ERBB4: variants seen among roughly 807,000 people sequenced by gnomAD.
ERBB4 encodes erb-b2 receptor tyrosine kinase 4.
Under a neutral mutation model 158.0 loss-of-function variants are expected in ERBB4, and 42 were observed. The observed-to-expected ratio is 0.27, with a 90% CI of 0.21 to 0.34. ERBB4 has a LOEUF of 0.34. Ranked by LOEUF, ERBB4 falls within the 10% of genes least tolerant of loss-of-function variation. ERBB4 has a pLI of 1.00. For synonymous variants in ERBB4, 583 were observed against 558.7 expected, an observed-to-expected ratio of 1.04 and a Z score of -0.61; for missense variants, 1,333 against 1,624.1, an observed-to-expected ratio of 0.82 and a Z score of 3.08.
chr2:212,006,266 A>G (rs1292286442), intron 2 of ERBB4, among the ~76,000 whole-genome samples: 1 of 152,128 alleles, frequency 6.6e-6, no homozygotes, highest in Non-Finnish European at 1.5e-5. Context: ...ATATAAATAA[A>G]CTTTCAGTGT....
chr2:211,996,116 G>A (rs4673646), intron 2 of ERBB4, among the ~76,000 whole-genome samples: 19,404 of 151,978 alleles, frequency 0.13, 1,810 homozygotes, highest in East Asian at 0.31. Flanking sequence ...GACTGTTAAG[G>A]TTTAGGTAGA....
chr2:212,468,589 T>C (rs1688960752), intron 1 of ERBB4, among the ~76,000 whole-genome samples: 1 of 152,218 alleles, frequency 6.6e-6, no homozygotes, highest in Admixed American at 6.5e-5. Context: ...ATAAACTTCT[T>C]TATTTTGTAA....
intron 1 of ERBB4, among the ~76,000 whole-genome samples, chr2:212,497,871 T>C (rs1165544319): frequency 6.6e-6 from 1 of 152,206 alleles, no homozygotes; most frequent in Non-Finnish European, 1.5e-5. Context: ...TTGAATAAGT[T>C]GTGGACATTT....
chr2:212,477,688 C>T (rs929426395), intron 1 of ERBB4, among the ~76,000 whole-genome samples: 3 of 152,064 alleles, frequency 2.0e-5, no homozygotes, highest in Non-Finnish European at 4.4e-5. Context: ...CAATTAAATG[C>T]TGTGTCTTTT....
chr2:212,500,037 A>C (rs1273278944), intron 1 of ERBB4, among the ~76,000 whole-genome samples: 1 of 152,124 alleles, frequency 6.6e-6, no homozygotes, highest in Non-Finnish European at 1.5e-5. Flanking sequence ...TTGCTAACAT[A>C]TAATCCCTTT....
intron 20 of ERBB4, among the ~76,000 whole-genome samples, chr2:211,516,116 C>T (rs1227054663): frequency 6.7e-6 from 1 of 150,140 alleles, no homozygotes; most frequent in Non-Finnish European, 1.5e-5. Context: ...CGGGGTTTCA[C>T]TGTGTCAGCC....
At chr2:212,357,126 A>T (rs2089491539) in intron 1 of ERBB4, among the ~76,000 whole-genome samples, 1 of 151,962 alleles carries the variant, frequency 6.6e-6, no homozygotes, top group South Asian at 2.1e-4. Context: ...CCTGGATATC[A>T]TATGTCTCTC....
chr2:211,763,897 T>TACACACACACACACACACACAC (rs58206154), intron 4 of ERBB4, among the ~76,000 whole-genome samples: 162 of 150,078 alleles, frequency 1.1e-3, no homozygotes, highest in Admixed American at 5.5e-3. Flanking sequence ...TGCGTGTGTA[T>TACACACACACACACACACACAC]ACACACACAC....
rs140862982 is a variant in ERBB4 at position 212,375,471 on chromosome 2, C to T, written c.82+162978G>A. 6.1e-4 allele frequency among the ~76,000 whole-genome samples: 93 copies of T among 152,144 alleles called. No homozygotes were observed. The East Asian group carries it at 0.015, about 24-fold the overall frequency. On this transcript the variant is annotated intron_variant, in intron 1 of 27. Coordinates refer to ENST00000342788, the MANE Select transcript of ERBB4 (RefSeq NM_005235.3). ...CCATTAATACAACTTTTCTCACTAA[C>T]GCCACTTATGTGTGTGGTTCGTGTT...
chr2:211,985,501 A>G (rs2081916083), intron 2 of ERBB4, among the ~76,000 whole-genome samples: 1 of 152,142 alleles, frequency 6.6e-6, no homozygotes, highest in Non-Finnish European at 1.5e-5. Context: ...CAAATTGACC[A>G]TCAGTAAAAG....
intron 1 of ERBB4, among the ~76,000 whole-genome samples, chr2:212,266,109 C>G (rs576428602): frequency 1.3e-5 from 2 of 151,788 alleles, no homozygotes; most frequent in South Asian, 4.2e-4. Flanking sequence ...TGCATGCCCC[C>G]CTCTCCTATT....
chr2:211,712,091 C>T lies in ERBB4; in HGVS notation c.1083G>A (p.Lys361=). 1 of 1,612,412 alleles carries T rather than the reference C, an allele frequency of 6.2e-7. No homozygotes were observed. The change falls in exon 9 of 28, where the codon AAG becomes AAA. Residue 361 remains lysine, a synonymous_variant. Transcript: ENST00000342788. Reference sequence around the variant, plus strand: ...CTAGAAAGATCAAATTCCCATTGATCTTGGTACAGTTTATGAATTTGTCAA... The same window carrying T: ...CTAGAAAGATCAAATTCCCATTGATTTTGGTACAGTTTATGAATTTGTCAA... ...SNIDKFINCT[K]INGNLIFLVT... is the part of the protein sequence containing the mutation.
chr2:212,269,239 G>A, intron 1 of ERBB4, among the ~76,000 whole-genome samples: 1 of 151,820 alleles, frequency 6.6e-6, no homozygotes, highest in Middle Eastern at 3.2e-3. Context: ...GAGTTACACT[G>A]ACTACACGTC....
intron 2 of ERBB4, among the ~76,000 whole-genome samples, chr2:212,016,141 T>C (rs909125592): frequency 4.9e-5 from 7 of 141,724 alleles, no homozygotes; most frequent in African/African-American, 1.9e-4. Context: ...TGACTAGACA[T>C]ATATATATAT....
At chr2:211,538,357 T>C (rs902840439) in intron 20 of ERBB4, among the ~76,000 whole-genome samples, 2 of 151,828 alleles carry the variant, frequency 1.3e-5, no homozygotes, top group African/African-American at 2.4e-5. Flanking sequence ...ATACAATAGA[T>C]AGAAAAATTT....
chr2:211,502,069 A>ATT (rs1189277483), intron 20 of ERBB4, among the ~76,000 whole-genome samples: 1 of 152,172 alleles, frequency 6.6e-6, no homozygotes, highest in Non-Finnish European at 1.5e-5. Context: ...AGCCAAAGAA[A>ATT]TGAGTTCAAA....
chr2:211,768,341 G>A (rs1024533925), intron 4 of ERBB4, among the ~76,000 whole-genome samples: 5 of 152,262 alleles, frequency 3.3e-5, no homozygotes, highest in African/African-American at 4.8e-5. Context: ...TGAAGCTGTC[G>A]ATGGATCTAC....
chr2:211,547,339 A>T (rs926989970), intron 20 of ERBB4, among the ~76,000 whole-genome samples: 1 of 152,114 alleles, frequency 6.6e-6, no homozygotes, highest in African/African-American at 2.4e-5. Flanking sequence ...CTTCAGTCCC[A>T]CTGTAGTTTT....
chr2:212,053,573 G>C (rs913856001), intron 2 of ERBB4, among the ~76,000 whole-genome samples: 1 of 152,150 alleles, frequency 6.6e-6, no homozygotes, highest in African/African-American at 2.4e-5. Flanking sequence ...CTCCATGATT[G>C]TGTGACTTTC....
Sources: allele counts gnomAD v4.1 joint callset (sites outside exome capture counted in the v4.1 genomes callset), GRCh38; gene constraint gnomAD v4.1.1; transcripts MANE v1.5; gene names NCBI Gene and HGNC (gene_info 2026-07-23, HGNC 2026-07-21).